GRIA1: variants seen among roughly 807,000 people sequenced by gnomAD.
GRIA1 encodes the protein glutamate receptor 1.
In GRIA1, 31 loss-of-function variants were observed where a neutral mutation model predicts 99.2. The ratio of observed to expected loss-of-function variants is 0.31; its 90% CI spans 0.23 to 0.42. The LOEUF (loss-of-function observed/expected upper bound fraction) is 0.42. Among genes scored for constraint, GRIA1 ranks in the 10% least tolerant of loss-of-function variants. The pLI is 1.00. For missense variants in GRIA1, 782 were observed against 1,157.5 expected, an observed-to-expected ratio of 0.68 and a Z score of 4.71; for synonymous variants, 438 against 432.4, an observed-to-expected ratio of 1.01 and a Z score of -0.16.
intron 2 of GRIA1, among the ~76,000 whole-genome samples, chr5:153,526,517 A>G (rs1428031523): frequency 1.3e-5 from 2 of 152,212 alleles, no homozygotes; most frequent in East Asian, 3.8e-4. Context: ...AACAACCTGT[A>G]TCAGTCCCAG....
intron 2 of GRIA1, among the ~76,000 whole-genome samples, chr5:153,604,147 T>C (rs1161071624): frequency 6.6e-6 from 1 of 151,924 alleles, no homozygotes; most frequent in African/African-American, 2.4e-5. Flanking sequence ...TTGCTACCAA[T>C]TAGAGGGGTG....
chr5:153,534,932 T>C (rs923036179), intron 2 of GRIA1, among the ~76,000 whole-genome samples: 1 of 151,750 alleles, frequency 6.6e-6, no homozygotes, highest in African/African-American at 2.4e-5. Flanking sequence ...TGTTTTGTTT[T>C]GTTTTATTTT....
At chr5:153,783,164 C>T (rs960250122) in intron 13 of GRIA1, among the ~76,000 whole-genome samples, 2 of 152,176 alleles carry the variant, frequency 1.3e-5, no homozygotes, top group African/African-American at 4.8e-5. Flanking sequence ...GCTGGCCTCC[C>T]CTGCATCCTG....
At chr5:153,769,485 T>C (rs1354189872) in intron 12 of GRIA1, among the ~76,000 whole-genome samples, 1 of 151,894 alleles carries the variant, frequency 6.6e-6, no homozygotes, top group Non-Finnish European at 1.5e-5. Context: ...GAAAAAACAG[T>C]GCAAGCAAAG....
intron 2 of GRIA1, among the ~76,000 whole-genome samples, chr5:153,568,814 G>T (rs1761876573): frequency 6.6e-6 from 1 of 152,064 alleles, no homozygotes; most frequent in Non-Finnish European, 1.5e-5. Flanking sequence ...CTTGTCTTCA[G>T]AGTAAAATTC....
At chr5:153,588,523 T>C (rs1763694287) in intron 2 of GRIA1, among the ~76,000 whole-genome samples, 2 of 152,242 alleles carry the variant, frequency 1.3e-5, no homozygotes, top group Admixed American at 1.3e-4. Context: ...TAGAACATAG[T>C]GACAGAAGGA....
At chr5:153,701,620 A>AAAAAAAAAAAAAAAAAAAAAAAAAG in intron 10 of GRIA1, among the ~76,000 whole-genome samples, 1 of 83,384 alleles carries the variant, frequency 1.2e-5, no homozygotes, top group Non-Finnish European at 2.4e-5. Flanking sequence ...GACCCGTCTC[A>AAAAAAAAAAAAAAAAAAAAAAAAAG]AAAAAAAAAA....
At chr5:153,523,715 G>C (rs1352090522) in intron 2 of GRIA1, among the ~76,000 whole-genome samples, 2 of 152,142 alleles carry the variant, frequency 1.3e-5, no homozygotes, top group East Asian at 3.9e-4. Flanking sequence ...TGCGAGGATA[G>C]AATTGAAAAC....
chr5:153,668,502 C>T (rs1005510049), intron 5 of GRIA1, among the ~76,000 whole-genome samples: 2 of 152,188 alleles, frequency 1.3e-5, no homozygotes, highest in East Asian at 3.8e-4. Context: ...AAGCCATGCT[C>T]TTCCAATTAC....
intron 2 of GRIA1, among the ~76,000 whole-genome samples, chr5:153,643,281 C>G (rs1753904266): frequency 6.6e-6 from 1 of 152,182 alleles, no homozygotes; most frequent in African/African-American, 2.4e-5. Context: ...AATCATTTCA[C>G]AGATGGGAAA....
intron 2 of GRIA1, among the ~76,000 whole-genome samples, chr5:153,527,191 C>T (rs1467884407): frequency 6.6e-6 from 1 of 152,038 alleles, no homozygotes; most frequent in Non-Finnish European, 1.5e-5. Flanking sequence ...ATTCAAAATC[C>T]CTAAAGTCTA....
chr5:153,780,169 C>A (rs1026503205), intron 13 of GRIA1, among the ~76,000 whole-genome samples: 1 of 152,158 alleles, frequency 6.6e-6, no homozygotes, highest in Non-Finnish European at 1.5e-5. Context: ...TAATTTCAGA[C>A]TTGCTAGGTC....
intron 2 of GRIA1, among the ~76,000 whole-genome samples, chr5:153,506,531 G>A (rs538450261): frequency 2.2e-4 from 33 of 152,224 alleles, no homozygotes; most frequent in African/African-American, 7.5e-4. Flanking sequence ...TTTGTTAATT[G>A]AGGTGGTTAA....
At chr5:153,608,355 T>G (rs556173075) in intron 2 of GRIA1, among the ~76,000 whole-genome samples, 1 of 152,330 alleles carries the variant, frequency 6.6e-6, no homozygotes, top group African/African-American at 2.4e-5. Flanking sequence ...TGTGTCCTTC[T>G]TTTTTCACTT....
chr5:153,679,914 G>C (rs532540755), intron 7 of GRIA1, among the ~76,000 whole-genome samples: 1 of 152,148 alleles, frequency 6.6e-6, no homozygotes, highest in African/African-American at 2.4e-5. Flanking sequence ...TGTGTTAAAG[G>C]CTTAGTATAC....
rs752277160 is a variant in GRIA1, at chr5:153,655,883, C to T, written c.699+11C>T. On this transcript the variant is annotated intron_variant, in intron 5 of 15. Transcript: ENST00000285900. ...ATTCTTGCAAATCTGGTGAGTAGAG[C>T]ACTGCAGGCTCTCAGCTCAAGTCCT... 4 of 1,611,560 alleles carry T rather than the reference C, an allele frequency of 2.5e-6. No individual in the cohort carries two copies. The highest frequency in any genetic ancestry group is 2.7e-5 in the African/African-American group (2 of 74,952).
chr5:153,674,640 G>C lies in GRIA1; in HGVS notation c.840G>C (p.Arg280=). The C allele has an allele frequency of 1.2e-6, 2 of 1,614,060 alleles. No homozygotes were observed. The highest frequency in any genetic ancestry group is 1.7e-6 in the Non-Finnish European group (2 of 1,179,958). ...ATAGTGATGCTCGAGACCACACACG[G>C]GTGGACTGGAAGAGACCCAAGGTGA... ...WKNSDARDHT[R]VDWKRPKYTS... is the part of the protein sequence containing the mutation. The change falls in exon 6 of 16, where the codon CGG becomes CGC. Residue 280 remains arginine, a synonymous_variant. Transcript: ENST00000285900.
intron 14 of GRIA1, among the ~76,000 whole-genome samples, chr5:153,798,271 C>T (rs1234093542): frequency 6.6e-6 from 1 of 152,212 alleles, no homozygotes; most frequent in Non-Finnish European, 1.5e-5. Context: ...TCAGCCTTCA[C>T]TCCCAGGAAG....
At chr5:153,778,456 G>T (rs140613535) in intron 13 of GRIA1, among the ~76,000 whole-genome samples, 211 of 152,100 alleles carry the variant, frequency 1.4e-3, no homozygotes, top group African/African-American at 5.0e-3. Context: ...CCTAAGAAGT[G>T]ATGTGCATTA....
Sources: allele counts gnomAD v4.1 joint callset (sites outside exome capture counted in the v4.1 genomes callset), GRCh38; gene constraint gnomAD v4.1.1; transcripts MANE v1.5; gene names NCBI Gene and HGNC (gene_info 2026-07-23, HGNC 2026-07-21).